The following MARCHF1 variants were observed in gnomAD, a reference collection of about 807,000 sequenced individuals.
The protein encoded by MARCHF1 is E3 ubiquitin-protein ligase MARCHF1.
MARCHF1 carries 40 observed loss-of-function variants against 54.2 expected under a neutral mutation model. That is an observed-to-expected ratio of 0.74 (90% CI 0.57 to 0.96). The LOEUF is 0.96. MARCHF1 is among the 40% of genes least tolerant of loss of function. MARCHF1 has a pLI of 0.00. For synonymous variants in MARCHF1, 236 were observed against 236.3 expected (o/e 1.00, Z 0.01); for missense variants, 586 against 656.5 (o/e 0.89, Z 1.17).
At chr4:163,889,611 A>C (rs2111265045) in intron 3 of MARCHF1, among the ~76,000 whole-genome samples, 1 of 152,218 alleles carries the variant, frequency 6.6e-6, no homozygotes, top group South Asian at 2.1e-4. Context: ...ACTCTGATTA[A>C]ATTTCTCAGA....
intron 1 of MARCHF1, among the ~76,000 whole-genome samples, chr4:164,112,791 CAAGAA>C (rs1452083516): frequency 6.6e-6 from 1 of 151,734 alleles, no homozygotes; most frequent in East Asian, 1.9e-4. Flanking sequence ...AATATTTCTA[CAAGAA>C]AAGAATATAT....
intron 1 of MARCHF1, among the ~76,000 whole-genome samples, chr4:164,211,692 A>G (rs1731779073): frequency 6.6e-6 from 1 of 151,996 alleles, no homozygotes. Flanking sequence ...CCTTATAGAA[A>G]CTTGACAATG....
chr4:164,329,785 C>G (rs995792393), intron 1 of MARCHF1: 1 of 152,226 alleles, frequency 6.6e-6, no homozygotes. Context: ...CAGATCTCAC[C>G]AGAACTCAGA....
chr4:164,109,912 T>TAAAAAAAAAAAAAAAAAAA (rs57433858), intron 2 of MARCHF1, among the ~76,000 whole-genome samples: 3 of 63,156 alleles, frequency 4.8e-5, no homozygotes, highest in Admixed American at 2.6e-4. Context: ...AAAATAAAAG[T>TAAAAAAAAAAAAAAAAAAA]AAAAAAAAAA....
chr4:163,935,506 C>T (rs1485787909), intron 3 of MARCHF1, among the ~76,000 whole-genome samples: 2 of 152,072 alleles, frequency 1.3e-5, no homozygotes, highest in East Asian at 1.9e-4. Context: ...TTCCTTAAAC[C>T]GCATAAACCA....
chr4:163,789,730 C>A (rs1275579294), intron 4 of MARCHF1, among the ~76,000 whole-genome samples: 1 of 151,902 alleles, frequency 6.6e-6, no homozygotes, highest in African/African-American at 2.4e-5. Flanking sequence ...CATCACTCAC[C>A]ATTGTTTAAT....
intron 1 of MARCHF1, among the ~76,000 whole-genome samples, chr4:164,140,873 C>T (rs1756515778): frequency 6.6e-6 from 1 of 152,176 alleles, no homozygotes; most frequent in South Asian, 2.1e-4. Flanking sequence ...TCATAACATC[C>T]TTACTCAACT....
chr4:163,607,300 A>G (rs1511779), intron 7 of MARCHF1, among the ~76,000 whole-genome samples: 140,236 of 152,140 alleles, frequency 0.92, 64,754 homozygotes, highest in African/African-American at 0.98. Context: ...GAGAAGGACT[A>G]GAATGGAACA....
chr4:164,230,425 T>C (rs1459416230), intron 1 of MARCHF1, among the ~76,000 whole-genome samples: 1 of 151,642 alleles, frequency 6.6e-6, no homozygotes, highest in Non-Finnish European at 1.5e-5. Context: ...AAAATAGTTA[T>C]ATATATTTGA....
At chr4:163,775,801 G>T (rs1747289098) in intron 4 of MARCHF1, among the ~76,000 whole-genome samples, 1 of 152,072 alleles carries the variant, frequency 6.6e-6, no homozygotes, top group Admixed American at 6.6e-5. Flanking sequence ...GGGGAAAAAA[G>T]AGCAGACCAG....
rs143786057 is a variant in MARCHF1, at chr4:163,789,816, T to C, written c.111+64205A>G. Among the ~76,000 whole-genome samples the C allele has an allele frequency of 6.9e-3, 1,056 of 152,160 alleles. 12 individuals are homozygous for C. Among genetic ancestry groups the C allele is most frequent in the Non-Finnish European group, 0.012 (821 of 67,936 alleles). On this transcript the variant is annotated intron_variant, in intron 4 of 9. Transcript: ENST00000514618. ...ATGGATCTGTAGAAACCTGATTAGA[T>C]AACCTTAAGGAAAAATGTTTGAAAA...
chr4:163,859,416 A>G (rs1251648691), intron 3 of MARCHF1, among the ~76,000 whole-genome samples: 2 of 150,908 alleles, frequency 1.3e-5, no homozygotes, highest in African/African-American at 4.9e-5. Context: ...GTTGAGTGCA[A>G]TGGCGTGATC....
At chr4:163,734,390 C>T (rs1157578492) in intron 4 of MARCHF1, among the ~76,000 whole-genome samples, 1 of 152,080 alleles carries the variant, frequency 6.6e-6, no homozygotes, top group Non-Finnish European at 1.5e-5. Context: ...TCCCAGTAGC[C>T]TTCTTTCTAA....
intron 8 of MARCHF1, chr4:163,584,811 G>A (rs1740353994): frequency 6.6e-6 from 1 of 152,008 alleles, no homozygotes; most frequent in South Asian, 2.1e-4. Context: ...TCCAGGCAAT[G>A]TCCTATAACT....
intron 7 of MARCHF1, among the ~76,000 whole-genome samples, chr4:163,600,032 T>C (rs746244659): frequency 1.3e-5 from 2 of 152,144 alleles, no homozygotes; most frequent in African/African-American, 2.4e-5. Context: ...GAAAATAAAT[T>C]TGTACCAGTT....
chr4:163,857,132 C>T (rs72685642), intron 3 of MARCHF1, among the ~76,000 whole-genome samples: 3,744 of 149,830 alleles, frequency 0.025, 72 homozygotes, highest in South Asian at 0.054. Context: ...AAGGAAAGAC[C>T]GTTGCCTTAA....
At chr4:163,660,766 T>C (rs1214240678) in intron 5 of MARCHF1, among the ~76,000 whole-genome samples, 1 of 152,038 alleles carries the variant, frequency 6.6e-6, no homozygotes, top group African/African-American at 2.4e-5. Context: ...TCTTCAATTC[T>C]CATTCAAGCC....
At chr4:164,050,723 A>G (rs2111042375) in intron 2 of MARCHF1, among the ~76,000 whole-genome samples, 1 of 152,338 alleles carries the variant, frequency 6.6e-6, no homozygotes, top group Non-Finnish European at 1.5e-5. Context: ...ACCTGAGGTC[A>G]GGAGTTCGAG....
Position 163,637,632 on chromosome 4 carries a change from T to G in MARCHF1, c.163-24239A>C, listed in dbSNP as rs1312084021. ...GGATGTGGAGAAATAGGAACACTTT[T>G]ACACTGTTGGTGGGACTGTAAACTA... On this transcript the variant is annotated intron_variant, in intron 5 of 9. Coordinates refer to ENST00000514618, the MANE Select transcript of MARCHF1 (RefSeq NM_001394959.1). Among the ~76,000 whole-genome samples the G allele has an allele frequency of 3.1e-4, 47 of 149,582 alleles. No homozygotes were observed. The South Asian group carries it at 3.9e-3, about 12-fold the overall frequency.
Sources: allele counts gnomAD v4.1 joint callset (sites outside exome capture counted in the v4.1 genomes callset), GRCh38; gene constraint gnomAD v4.1.1; transcripts MANE v1.5; gene names NCBI Gene and HGNC (gene_info 2026-07-23, HGNC 2026-07-21).